Variants in KIAA1549 observed in about 807,000 individuals in gnomAD.
The protein encoded by KIAA1549 is KIAA1549, also known as UPF0606 protein KIAA1549.
Under a neutral mutation model 156.4 loss-of-function variants are expected in KIAA1549, and 70 were observed. That is an observed-to-expected ratio of 0.45 (90% CI 0.37 to 0.55). KIAA1549 has a LOEUF of 0.55. KIAA1549 is among the 20% of genes least tolerant of loss of function. The probability of loss-of-function intolerance (pLI) is 0.00; values close to 1 mark genes in which losing one functional copy is unlikely to be tolerated. For missense variants in KIAA1549, 2,428 were observed against 2,540.9 expected (o/e 0.96, Z 0.96); for synonymous variants, 1,103 against 1,066.4 (o/e 1.03, Z -0.67).
At chr7:138,935,803 C>T (rs1259276872) in intron 1 of KIAA1549, among the ~76,000 whole-genome samples, 2 of 152,130 alleles carry the variant, frequency 1.3e-5, no homozygotes, top group East Asian at 3.9e-4. Context: ...CTAAATTAAG[C>T]TTTTATTTTA....
intron 1 of KIAA1549, among the ~76,000 whole-genome samples, chr7:138,955,544 GA>G (rs1197785292): frequency 3.3e-5 from 5 of 151,856 alleles, no homozygotes; most frequent in Non-Finnish European, 7.4e-5. Flanking sequence ...CGTGGAGATG[GA>G]TGGTGGTGAC....
intron 13 of KIAA1549, among the ~76,000 whole-genome samples, chr7:138,870,591 C>T (rs1281488365): frequency 3.3e-5 from 5 of 152,164 alleles, no homozygotes; most frequent in East Asian, 3.9e-4. Context: ...GGATCAGAAG[C>T]TGAAGTGGCT....
At chr7:138,900,529 A>G (rs944406503) in intron 8 of KIAA1549, among the ~76,000 whole-genome samples, 1 of 152,184 alleles carries the variant, frequency 6.6e-6, no homozygotes, top group Non-Finnish European at 1.5e-5. Flanking sequence ...ACCCACCTTG[A>G]TTAAAGATTC....
chr7:138,947,709 A>G (rs2774966), intron 1 of KIAA1549, among the ~76,000 whole-genome samples: 55,653 of 152,060 alleles, frequency 0.37, 12,090 homozygotes, highest in African/African-American at 0.61. Context: ...CTGCAGATGT[A>G]AACTACACTT....
intron 1 of KIAA1549, among the ~76,000 whole-genome samples, chr7:138,965,863 A>C (rs1299570090): frequency 6.6e-6 from 1 of 152,086 alleles, no homozygotes; most frequent in African/African-American, 2.4e-5. Context: ...TCATCCTCTG[A>C]TCAAAACCCT....
rs377437123 is a variant in KIAA1549 at position 138,917,437 on chromosome 7, A to G, written c.2189T>C (p.Val730Ala). 8 of 1,613,912 alleles carry G rather than the reference A, an allele frequency of 5.0e-6. No individual in the cohort carries two copies. Among genetic ancestry groups the G allele is most frequent in the Non-Finnish European group, 6.8e-6 (8 of 1,179,908 alleles). ...SSFPSDSLEF[V>A]EASTVSLTDS... ...CGTCAGTGAAACCGTAGACGCTTCA[A>G]CAAACTCGAGAGAATCAGAAGGGAA... Residue 730 changes from valine to alanine, a missense_variant, in exon 2 of 20, where the codon GTT becomes GCT. This residue lies in a region of KIAA1549 where 762 missense variants were observed against 901.6 expected (regional missense o/e 0.85). Coordinates refer to ENST00000422774, the MANE Select transcript of KIAA1549 (RefSeq NM_001164665.2).
intron 6 of KIAA1549, among the ~76,000 whole-genome samples, chr7:138,905,947 A>G (rs375159766): frequency 6.6e-6 from 1 of 152,256 alleles, no homozygotes; most frequent in African/African-American, 2.4e-5. Context: ...CCCCCAAAAC[A>G]CTGCCTTCTG....
At chr7:138,956,505 G>A (rs1813669818) in intron 1 of KIAA1549, among the ~76,000 whole-genome samples, 1 of 152,078 alleles carries the variant, frequency 6.6e-6, no homozygotes, top group Non-Finnish European at 1.5e-5. Flanking sequence ...TCGTGGGGGT[G>A]GTTTCCTCCA....
chr7:138,918,783 A>T lies in KIAA1549; in HGVS notation c.843T>A (p.Leu281=), dbSNP rs751777187. The T allele has an allele frequency of 1.1e-4, 176 of 1,613,982 alleles. 1 individual carries two copies. The South Asian group carries it at 1.8e-3, about 17-fold the overall frequency. The change falls in exon 2 of 20, where the codon CTT becomes CTA. Residue 281 remains leucine, a synonymous_variant. Coordinates refer to ENST00000422774, the MANE Select transcript of KIAA1549 (RefSeq NM_001164665.2). This position sits in a 1 kb window ranked among gnomAD's most constrained non-coding sequence, Gnocchi z 4.2. The stretch of plus-strand genomic sequence containing the variant: ...GCATTAAAGACCGGGAGCTTAAAAA[A>T]AGGGTGGTTTCCACACCCTCTGTTA... ...ASLTEGVETT[L]FLSSRSLMPQ...
chr7:138,961,595 C>T (rs1053353622), intron 1 of KIAA1549, among the ~76,000 whole-genome samples: 1 of 152,230 alleles, frequency 6.6e-6, no homozygotes, highest in African/African-American at 2.4e-5. Flanking sequence ...CTGTGATCCA[C>T]AGATACTATA....
intron 1 of KIAA1549, among the ~76,000 whole-genome samples, chr7:138,936,454 C>G (rs1335506076): frequency 6.6e-6 from 1 of 152,186 alleles, no homozygotes; most frequent in Non-Finnish European, 1.5e-5. Context: ...AGAGCCCTGC[C>G]TCGCACAACT....
chr7:138,874,230 T>A (rs115995242), intron 12 of KIAA1549, among the ~76,000 whole-genome samples: 3,137 of 151,870 alleles, frequency 0.021, 92 homozygotes, highest in African/African-American at 0.071. Context: ...GCCTTAAGGC[T>A]AGTAGGAACT....
At chr7:138,901,942 T>C (rs1811854967) in intron 8 of KIAA1549, among the ~76,000 whole-genome samples, 2 of 139,052 alleles carry the variant, frequency 1.4e-5, no homozygotes, top group African/African-American at 5.5e-5. Context: ...TAAGAGAGCT[T>C]GCATGTCAAA....
At chr7:138,911,930 G>A (rs1378602426) in intron 3 of KIAA1549, among the ~76,000 whole-genome samples, 3 of 152,222 alleles carry the variant, frequency 2.0e-5, no homozygotes, top group South Asian at 2.1e-4. Flanking sequence ...TAGATGGACT[G>A]TGGCTTTCTA....
chr7:138,861,683 C>CA (rs1293835823), intron 15 of KIAA1549, among the ~76,000 whole-genome samples: 3 of 148,984 alleles, frequency 2.0e-5, no homozygotes, highest in African/African-American at 7.5e-5. Flanking sequence ...GAGACCCCCC[C>CA]CATCTCTAAA....
Position 138,835,222 on chromosome 7 carries a change from G to A in KIAA1549, c.*2684C>T. ...TGCTCACACAGCTAGTTTTTTCTGA[G>A]TTTGGTGACTGGCAAAACTGTTGTG... On this transcript the variant is annotated 3_prime_UTR_variant, in exon 20 of 20. Coordinates refer to ENST00000422774, the MANE Select transcript of KIAA1549 (RefSeq NM_001164665.2). The A allele has an allele frequency of 4.6e-6, 1 of 215,578 alleles. No homozygotes were observed. 13.4% of individuals were successfully genotyped at this position (215,578 alleles called of 1,614,324 possible). A position where few individuals can be genotyped will look rare whatever the true frequency, so the allele number is the denominator to read the frequency against.
At chr7:138,848,535 G>A (rs975845703) in intron 17 of KIAA1549, among the ~76,000 whole-genome samples, 1 of 152,144 alleles carries the variant, frequency 6.6e-6, no homozygotes, top group Non-Finnish European at 1.5e-5. Context: ...TGTAATATGA[G>A]ATCCTTTTGT....
At chr7:138,921,961 C>T (rs1258558916) in intron 1 of KIAA1549, among the ~76,000 whole-genome samples, 2 of 152,136 alleles carry the variant, frequency 1.3e-5, no homozygotes, top group Non-Finnish European at 2.9e-5. Context: ...CATGATGATG[C>T]GTCTACAAGT....
At chr7:138,920,754 C>T (rs761884708) in intron 1 of KIAA1549, among the ~76,000 whole-genome samples, 1 of 152,190 alleles carries the variant, frequency 6.6e-6, no homozygotes, top group Non-Finnish European at 1.5e-5. Flanking sequence ...AACAACACCT[C>T]GTTTCTCTAA....
Sources: allele counts gnomAD v4.1 joint callset (sites outside exome capture counted in the v4.1 genomes callset), GRCh38; gene constraint gnomAD v4.1.1; regional missense constraint gnomAD v4.1.1; non-coding constraint Gnocchi (gnomAD v3.1); transcripts MANE v1.5; gene names NCBI Gene and HGNC (gene_info 2026-07-23, HGNC 2026-07-21).